GRIA3: variants seen among roughly 807,000 people sequenced by gnomAD.
GRIA3 encodes the protein glutamate ionotropic receptor AMPA type subunit 3, also known as glutamate receptor 3.
Under a neutral mutation model 63.0 loss-of-function variants are expected in GRIA3, and 3 were observed. The ratio of observed to expected loss-of-function variants is 0.05; its 90% CI spans 0.02 to 0.12. The LOEUF is 0.12. Among genes scored for constraint, GRIA3 ranks in the 10% least tolerant of loss-of-function variants. The probability of loss-of-function intolerance (pLI) is 1.00; values close to 1 mark genes in which losing one functional copy is unlikely to be tolerated. For synonymous variants in GRIA3, 274 were observed against 257.9 expected, an observed-to-expected ratio of 1.06 and a Z score of -0.60; for missense variants, 347 against 700.9, an observed-to-expected ratio of 0.50 and a Z score of 5.70.
chrX:123,286,695 C>A (rs1425694576), intron 3 of GRIA3, among the ~76,000 whole-genome samples: 5 of 111,437 alleles, frequency 4.5e-5, no homozygotes. Flanking sequence ...ACACACACAC[C>A]CTTCCAAGAC....
At position 123,464,729 on chromosome X, in the gene GRIA3, G is replaced by T. The variant is rs2045825651; in HGVS notation, c.2077-136G>T. 5.7e-6 allele frequency: 3 copies of T among 530,462 alleles called. No individual in the cohort carries two copies. In the East Asian group the frequency reaches 1.0e-4, roughly 18 times the overall value. 43.7% of individuals were successfully genotyped at this position (530,462 alleles called of 1,213,427 possible). A position where few individuals can be genotyped will look rare whatever the true frequency, so the allele number is the denominator to read the frequency against. Reference sequence around the variant, plus strand: ...TTGGAAACAATGTTTACGTATGTATGAACGTGCCTACTAGGTTGCAGTGTA... The same window carrying T: ...TTGGAAACAATGTTTACGTATGTATTAACGTGCCTACTAGGTTGCAGTGTA... On this transcript the variant is annotated intron_variant, in intron 12 of 15. Coordinates refer to ENST00000620443, the MANE Select transcript of GRIA3 (RefSeq NM_007325.5).
At chrX:123,391,497 G>T (rs1424968574) in intron 5 of GRIA3, among the ~76,000 whole-genome samples, 1 of 111,455 alleles carries the variant, frequency 9.0e-6, no homozygotes, top group Non-Finnish European at 1.9e-5. Context: ...TTCTGGGGAT[G>T]GGGACATCAG....
chrX:123,234,929 T>C (rs1366135535), intron 2 of GRIA3, among the ~76,000 whole-genome samples: 1 of 111,275 alleles, frequency 9.0e-6, no homozygotes, highest in Non-Finnish European at 1.9e-5. Context: ...CTTCTCTTTA[T>C]AAAAACAAAG....
rs867059753 is a variant in GRIA3, at chrX:123,455,821, G to T, written c.2077-9044G>T. ...GCAAAAGAGGCTGGGGTTATCACGGGGAAAGATCTATCTGAAACCTTTCTA... is the reference window on the plus strand; with the variant it reads ...GCAAAAGAGGCTGGGGTTATCACGGTGAAAGATCTATCTGAAACCTTTCTA... On this transcript the variant is annotated intron_variant, in intron 12 of 15. Transcript: ENST00000620443. Among the ~76,000 whole-genome samples, 4 of 99,632 alleles carry T rather than the reference G, an allele frequency of 4.0e-5. No individual in the cohort carries two copies. In the South Asian group the frequency reaches 1.9e-3, roughly 47 times the overall value. The allele number at this position is 99,632 out of a possible 115,157, so 86.5% of individuals were successfully genotyped here.
chrX:123,482,644 A>C (rs992875799), intron 14 of GRIA3, 155 bp from the exon 15 acceptor site: 7 of 609,598 alleles, frequency 1.1e-5, no homozygotes, highest in East Asian at 9.8e-5. Context: ...TGGTCATTGC[A>C]AAACATTAGC....
intron 2 of GRIA3, among the ~76,000 whole-genome samples, chrX:123,216,049 C>T (rs201813442): frequency 4.5e-5 from 5 of 111,953 alleles, no homozygotes; most frequent in East Asian, 5.6e-4. Context: ...CTAATGCACA[C>T]GAAAATAAGT....
intron 2 of GRIA3, among the ~76,000 whole-genome samples, chrX:123,249,582 G>T (rs926298431): frequency 1.8e-5 from 2 of 111,795 alleles, no homozygotes; most frequent in Non-Finnish European, 3.8e-5. Flanking sequence ...GTCTGTCTAT[G>T]TTGGAGTGGG....
intron 12 of GRIA3, among the ~76,000 whole-genome samples, chrX:123,456,826 A>T (rs1202382273): frequency 8.1e-5 from 9 of 111,691 alleles, no homozygotes; most frequent in African/African-American, 2.9e-4. Flanking sequence ...ATGTTAGAGA[A>T]GGCACACAAG....
At chrX:123,441,187 A>C (rs897275291) in intron 12 of GRIA3, among the ~76,000 whole-genome samples, 10 of 112,130 alleles carry the variant, frequency 8.9e-5, no homozygotes, top group African/African-American at 3.2e-4. Flanking sequence ...AAGAAAGAAA[A>C]ACAATGAACA....
intron 2 of GRIA3, among the ~76,000 whole-genome samples, chrX:123,234,405 C>T (rs2044291903): frequency 8.9e-6 from 1 of 111,974 alleles, no homozygotes; most frequent in Non-Finnish European, 1.9e-5. Context: ...TCTTGGAATC[C>T]ATTTCACAAA....
intron 3 of GRIA3, among the ~76,000 whole-genome samples, chrX:123,285,089 C>T: frequency 9.0e-6 from 1 of 111,273 alleles, no homozygotes; most frequent in East Asian, 2.8e-4. Flanking sequence ...AGAGTGGGGG[C>T]CAATATTCAA....
intron 12 of GRIA3, among the ~76,000 whole-genome samples, chrX:123,430,214 C>T (rs1427972152): frequency 8.9e-6 from 1 of 112,045 alleles, no homozygotes; most frequent in Non-Finnish European, 1.9e-5. Flanking sequence ...CAATTCCTAG[C>T]CAATGAGTAA....
chrX:123,241,676 A>G (rs1309984208), intron 2 of GRIA3, among the ~76,000 whole-genome samples: 1 of 110,436 alleles, frequency 9.1e-6, no homozygotes, highest in Non-Finnish European at 1.9e-5. Flanking sequence ...ACTGGAACAC[A>G]TCCAGAGAAG....
intron 11 of GRIA3, among the ~76,000 whole-genome samples, chrX:123,422,560 G>C (rs1192576448): frequency 8.9e-6 from 1 of 112,005 alleles, no homozygotes; most frequent in Non-Finnish European, 1.9e-5. Context: ...AAGAAGCATA[G>C]TGGTTAAGCA....
At chrX:123,423,750 C>T (rs2045575593) in intron 11 of GRIA3, among the ~76,000 whole-genome samples, 1 of 112,162 alleles carries the variant, frequency 8.9e-6, no homozygotes, top group Admixed American at 9.5e-5. Context: ...TCAGTCCCAG[C>T]TCTTCATCTT....
intron 12 of GRIA3, among the ~76,000 whole-genome samples, chrX:123,454,105 C>T (rs2045749276): frequency 9.0e-6 from 1 of 110,899 alleles, no homozygotes; most frequent in Admixed American, 9.6e-5. Flanking sequence ...AAATATCATG[C>T]CCCTTGAAAT....
intron 13 of GRIA3, among the ~76,000 whole-genome samples, chrX:123,475,156 C>G (rs1272592027): frequency 8.9e-6 from 1 of 111,873 alleles, no homozygotes; most frequent in Non-Finnish European, 1.9e-5. Context: ...CTCTCACTCT[C>G]TCCATCTGAT....
intron 3 of GRIA3, among the ~76,000 whole-genome samples, chrX:123,288,492 G>C (rs2044635410): frequency 9.0e-6 from 1 of 111,653 alleles, no homozygotes. Context: ...TACAGAATGG[G>C]AGAAAATCTT....
chrX:123,239,202 G>T (rs1316906643), intron 2 of GRIA3, among the ~76,000 whole-genome samples: 1 of 109,559 alleles, frequency 9.1e-6, no homozygotes, highest in Non-Finnish European at 1.9e-5. Context: ...CCATGCAGAG[G>T]TATCCCCAAC....
Sources: allele counts gnomAD v4.1 joint callset (sites outside exome capture counted in the v4.1 genomes callset), GRCh38; gene constraint gnomAD v4.1.1; transcripts MANE v1.5; gene names NCBI Gene and HGNC (gene_info 2026-07-23, HGNC 2026-07-21).